Variants in FRMD5 observed in about 807,000 individuals in gnomAD.
The protein encoded by FRMD5 is FERM domain-containing protein 5.
A neutral mutation model predicts 69.0 loss-of-function variants in FRMD5; 20 were observed. The observed-to-expected ratio is 0.29, with a 90% confidence interval of 0.20 to 0.42. FRMD5 has a LOEUF of 0.42. FRMD5 is among the 10% of genes least tolerant of loss of function. FRMD5 has a pLI of 1.00. For synonymous variants in FRMD5, 271 were observed against 260.1 expected, an observed-to-expected ratio of 1.04 and a Z score of -0.40; for missense variants, 595 against 708.6, an observed-to-expected ratio of 0.84 and a Z score of 1.82.
At chr15:44,193,389 G>A (rs1339017144) in intron 1 of FRMD5, among the ~76,000 whole-genome samples, 1 of 151,978 alleles carries the variant, frequency 6.6e-6, no homozygotes, top group Non-Finnish European at 1.5e-5. Context: ...TACTCAAATG[G>A]TGAAGATATC....
intron 6 of FRMD5, among the ~76,000 whole-genome samples, chr15:43,903,998 C>T (rs543040867): frequency 2.0e-5 from 3 of 152,266 alleles, no homozygotes; most frequent in African/African-American, 7.2e-5. Context: ...ACTTGAGGAG[C>T]CATGGGGTCC....
intron 1 of FRMD5, among the ~76,000 whole-genome samples, chr15:44,087,445 AG>A (rs1425451413): frequency 6.4e-4 from 98 of 152,356 alleles, no homozygotes; most frequent in African/African-American, 2.2e-3. Flanking sequence ...TAGTCAAGGC[AG>A]GTTCCTTTGA....
At chr15:44,183,721 C>T (rs2078051089) in intron 1 of FRMD5, among the ~76,000 whole-genome samples, 1 of 152,132 alleles carries the variant, frequency 6.6e-6, no homozygotes, top group Non-Finnish European at 1.5e-5. Flanking sequence ...GTGGCTCAGG[C>T]CTGTAATCCC....
chr15:43,896,302 C>G (rs990683052), intron 7 of FRMD5, among the ~76,000 whole-genome samples: 8 of 152,222 alleles, frequency 5.3e-5, no homozygotes, highest in African/African-American at 1.9e-4. Context: ...TCTCCTCCTT[C>G]TTTCCTCTGT....
At position 44,132,815 on chromosome 15, in the gene FRMD5, T is replaced by A. The variant is rs375649562; in HGVS notation, c.102+62138A>T. 8.6e-4 allele frequency among the ~76,000 whole-genome samples: 130 copies of A among 151,758 alleles called. 1 individual carries two copies. The highest frequency in any genetic ancestry group is 3.0e-3 in the African/African-American group (124 of 41,428). On this transcript the variant is annotated intron_variant, in intron 1 of 13. Transcript: ENST00000417257. ...CCCTGTTGCCCAGGCTGGAGTACAG[T>A]GACACAATCTTGGCTCACTGCAACC...
intron 1 of FRMD5, among the ~76,000 whole-genome samples, chr15:44,129,215 AT>A (rs1308904738): frequency 6.6e-6 from 1 of 152,178 alleles, no homozygotes; most frequent in Non-Finnish European, 1.5e-5. Flanking sequence ...CTTACATGCT[AT>A]TTTTTAAAGT....
intron 1 of FRMD5, among the ~76,000 whole-genome samples, chr15:43,941,548 G>C (rs935630122): frequency 6.6e-6 from 1 of 152,232 alleles, no homozygotes; most frequent in Admixed American, 6.5e-5. Flanking sequence ...TTATCATGGA[G>C]AGCTGGGTGG....
intron 1 of FRMD5, among the ~76,000 whole-genome samples, chr15:44,132,013 G>A (rs949483610): frequency 1.3e-5 from 2 of 152,134 alleles, no homozygotes; most frequent in African/African-American, 4.8e-5. Context: ...TAGGAGCCCT[G>A]AGGTTTTTTT....
intron 1 of FRMD5, among the ~76,000 whole-genome samples, chr15:44,021,792 G>A (rs891921438): frequency 5.3e-5 from 8 of 151,756 alleles, no homozygotes; most frequent in African/African-American, 1.5e-4. Flanking sequence ...TCCACTTCTC[G>A]GTATATATTC....
At chr15:43,949,906 AG>A (rs904475247) in intron 1 of FRMD5, among the ~76,000 whole-genome samples, 4 of 152,066 alleles carry the variant, frequency 2.6e-5, no homozygotes, top group Admixed American at 2.0e-4. Context: ...TAAAAAAAAA[AG>A]GATGAAAGAA....
chr15:43,960,189 T>C (rs972945524), intron 1 of FRMD5, among the ~76,000 whole-genome samples: 8 of 151,828 alleles, frequency 5.3e-5, no homozygotes, highest in Non-Finnish European at 1.2e-4. Context: ...CTAGGGTTCA[T>C]GCCATTCTCC....
chr15:43,998,152 T>C (rs756497480), intron 1 of FRMD5, among the ~76,000 whole-genome samples: 8 of 152,214 alleles, frequency 5.3e-5, no homozygotes, highest in Admixed American at 3.3e-4. Context: ...AGGTGGTATA[T>C]GATCTGAAGC....
intron 1 of FRMD5, among the ~76,000 whole-genome samples, chr15:43,998,997 T>C (rs770490592): frequency 3.9e-5 from 6 of 152,210 alleles, no homozygotes; most frequent in Non-Finnish European, 5.9e-5. Flanking sequence ...ATGCTAGGGA[T>C]AGGAAACAAA....
intron 1 of FRMD5, among the ~76,000 whole-genome samples, chr15:43,995,082 C>G (rs1889859052): frequency 6.6e-6 from 1 of 152,080 alleles, no homozygotes; most frequent in Non-Finnish European, 1.5e-5. Flanking sequence ...GTTCCAGGAC[C>G]CTTTGAGAAT....
At chr15:43,930,857 G>A (rs956413397) in intron 1 of FRMD5, among the ~76,000 whole-genome samples, 2 of 152,198 alleles carry the variant, frequency 1.3e-5, no homozygotes, top group Non-Finnish European at 2.9e-5. Context: ...AGGTCACCGT[G>A]CGCAAGGAAA....
intron 1 of FRMD5, among the ~76,000 whole-genome samples, chr15:43,947,365 A>T (rs1450712832): frequency 6.6e-6 from 1 of 152,214 alleles, no homozygotes; most frequent in Non-Finnish European, 1.5e-5. Flanking sequence ...ATATATTTAA[A>T]AGCTATCACC....
At chr15:44,079,289 T>C (rs1313394995) in intron 1 of FRMD5, among the ~76,000 whole-genome samples, 4 of 152,122 alleles carry the variant, frequency 2.6e-5, no homozygotes, top group Admixed American at 6.6e-5. Flanking sequence ...TTGTCAAGGA[T>C]ATGGAGAAAT....
chr15:44,104,647 A>G (rs2076688894), intron 1 of FRMD5, among the ~76,000 whole-genome samples: 1 of 152,358 alleles, frequency 6.6e-6, no homozygotes, highest in Admixed American at 6.5e-5. Context: ...TATTCAGTAC[A>G]GTAACATGCT....
chr15:44,034,997 C>T (rs1291006322), intron 1 of FRMD5, among the ~76,000 whole-genome samples: 1 of 152,194 alleles, frequency 6.6e-6, no homozygotes, highest in Non-Finnish European at 1.5e-5. Context: ...TCCCCATTTC[C>T]ACTGGCCTAT....
Sources: allele counts gnomAD v4.1 joint callset (sites outside exome capture counted in the v4.1 genomes callset), GRCh38; gene constraint gnomAD v4.1.1; transcripts MANE v1.5; gene names NCBI Gene and HGNC (gene_info 2026-07-23, HGNC 2026-07-21).